The following RCAN2 variants were observed in gnomAD, a reference collection of about 807,000 sequenced individuals.
RCAN2 encodes the protein regulator of calcineurin 2, also known as calcipressin-2.
RCAN2 carries 9 observed loss-of-function variants against 23.6 expected under a neutral mutation model. The ratio of observed to expected loss-of-function variants is 0.38; its 90% CI spans 0.23 to 0.67. RCAN2 has a LOEUF of 0.67. Among genes scored for constraint, RCAN2 ranks in the 30% least tolerant of loss-of-function variants. The pLI is 0.51. For missense variants in RCAN2, 273 were observed against 302.3 expected (o/e 0.90, Z 0.72); for synonymous variants, 109 against 115.7 (o/e 0.94, Z 0.37).
intron 4 of RCAN2, among the ~76,000 whole-genome samples, chr6:46,238,142 C>T (rs537290111): frequency 6.6e-6 from 1 of 152,176 alleles, no homozygotes; most frequent in East Asian, 1.9e-4. Flanking sequence ...CTTGTCTTCC[C>T]CTAGTTTTCT....
chr6:46,330,554 C>T (rs189657473), intron 2 of RCAN2, among the ~76,000 whole-genome samples: 2 of 152,196 alleles, frequency 1.3e-5, no homozygotes, highest in South Asian at 2.1e-4. Flanking sequence ...TATCACCAAA[C>T]GTCCTGCCAG....
chr6:46,429,690 C>A (rs555159880), intron 2 of RCAN2, among the ~76,000 whole-genome samples: 1 of 151,962 alleles, frequency 6.6e-6, no homozygotes, highest in Non-Finnish European at 1.5e-5. Flanking sequence ...AGGGCAGGTA[C>A]GTTCTTGCCC....
At chr6:46,366,257 T>G (rs1765167540) in intron 2 of RCAN2, among the ~76,000 whole-genome samples, 1 of 152,226 alleles carries the variant, frequency 6.6e-6, no homozygotes, top group African/African-American at 2.4e-5. Context: ...CCCACTTTCA[T>G]GTACTCTGAA....
intron 4 of RCAN2, among the ~76,000 whole-genome samples, chr6:46,234,947 C>G (rs928831898): frequency 1.3e-5 from 2 of 152,094 alleles, no homozygotes; most frequent in Non-Finnish European, 2.9e-5. Context: ...CCTGTGCTGA[C>G]TAGGGGCTGG....
intron 2 of RCAN2, among the ~76,000 whole-genome samples, chr6:46,374,025 G>C (rs1213111538): frequency 1.3e-5 from 2 of 152,196 alleles, no homozygotes; most frequent in East Asian, 3.8e-4. Flanking sequence ...AATGTAAATT[G>C]TAATTACTTA....
chr6:46,244,430 G>T (rs912539910), intron 4 of RCAN2, among the ~76,000 whole-genome samples: 1 of 152,144 alleles, frequency 6.6e-6, no homozygotes, highest in Non-Finnish European at 1.5e-5. Flanking sequence ...GTCCCTGTCT[G>T]TGCCTTCCAG....
chr6:46,252,506 C>A (rs1229926604), intron 2 of RCAN2, among the ~76,000 whole-genome samples: 1 of 152,010 alleles, frequency 6.6e-6, no homozygotes, highest in Non-Finnish European at 1.5e-5. Context: ...TATTGAGGAT[C>A]CTAAAGAATT....
intron 4 of RCAN2, among the ~76,000 whole-genome samples, chr6:46,226,555 T>A (rs1409790004): frequency 1.3e-5 from 2 of 152,206 alleles, no homozygotes; most frequent in African/African-American, 4.8e-5. Flanking sequence ...AAATTGTGAA[T>A]GGGAGTTTAC....
At chr6:46,469,230 T>C (rs1270049463) in intron 1 of RCAN2, among the ~76,000 whole-genome samples, 1 of 152,212 alleles carries the variant, frequency 6.6e-6, no homozygotes, top group East Asian at 1.9e-4. Context: ...TCTCTCACTA[T>C]TGTCAGAGAG....
intron 2 of RCAN2, among the ~76,000 whole-genome samples, chr6:46,396,615 T>C (rs1766095960): frequency 6.6e-6 from 1 of 152,230 alleles, no homozygotes; most frequent in Admixed American, 6.5e-5. Context: ...ACTGGTAATT[T>C]GCAGCTGGTG....
At chr6:46,325,419 C>T (rs1284035363) in intron 2 of RCAN2, 2 of 1,614,190 alleles carry the variant, frequency 1.2e-6, no homozygotes, top group East Asian at 4.5e-5. Flanking sequence ...GTAAAGACCT[C>T]GACATCCACC....
At chr6:46,228,306 C>G (rs530642139) in intron 4 of RCAN2, among the ~76,000 whole-genome samples, 1 of 152,298 alleles carries the variant, frequency 6.6e-6, no homozygotes, top group African/African-American at 2.4e-5. Flanking sequence ...TGGTGCAGAG[C>G]TGAATTCTAT....
chr6:46,409,317 A>T (rs1029849722), intron 2 of RCAN2, among the ~76,000 whole-genome samples: 1 of 152,214 alleles, frequency 6.6e-6, no homozygotes, highest in African/African-American at 2.4e-5. Flanking sequence ...TCAGAAATAT[A>T]ATACTGAACT....
chr6:46,365,478 A>AAAAAG (rs59257652), intron 2 of RCAN2, among the ~76,000 whole-genome samples: 61,880 of 145,564 alleles, frequency 0.43, 14,970 homozygotes, highest in East Asian at 0.58. Flanking sequence ...CTCCATCTCA[A>AAAAAG]AAAAGAAAAG....
At chr6:46,444,300 G>A (rs976043634) in intron 2 of RCAN2, among the ~76,000 whole-genome samples, 1 of 152,194 alleles carries the variant, frequency 6.6e-6, no homozygotes. Context: ...ATGAAGGGCT[G>A]TGGGCAGCAC....
At chr6:46,310,016 G>A (rs796767145) in intron 2 of RCAN2, among the ~76,000 whole-genome samples, 16 of 152,166 alleles carry the variant, frequency 1.1e-4, no homozygotes, top group African/African-American at 3.9e-4. Context: ...TTGCACCTTT[G>A]TCATGGTGCT....
At chr6:46,300,765 T>C (rs1411994293) in intron 2 of RCAN2, among the ~76,000 whole-genome samples, 1 of 152,064 alleles carries the variant, frequency 6.6e-6, no homozygotes, top group African/African-American at 2.4e-5. Context: ...TTGTCAATGA[T>C]TAGGCACATT....
At chr6:46,263,452 A>T (rs1018993511) in intron 2 of RCAN2, among the ~76,000 whole-genome samples, 13 of 124,456 alleles carry the variant, frequency 1.0e-4, no homozygotes, top group African/African-American at 3.9e-4. Flanking sequence ...GTCATCAGAG[A>T]GTGTGTGTGT....
intron 2 of RCAN2, among the ~76,000 whole-genome samples, chr6:46,427,464 T>A (rs114659692): frequency 1.3e-5 from 2 of 152,286 alleles, no homozygotes; most frequent in East Asian, 3.9e-4. Context: ...ATTATACATG[T>A]AAAATAATTA....
Sources: gnomAD v4.1 joint callset for allele counts (sites outside exome capture counted in the v4.1 genomes callset) on GRCh38, gnomAD v4.1.1 for gene constraint, MANE v1.5 for transcripts, NCBI Gene and HGNC (gene_info 2026-07-23, HGNC 2026-07-21) for gene names.